Variants in RAPGEF4 observed in about 807,000 individuals in gnomAD.
The protein encoded by RAPGEF4 is Rap guanine nucleotide exchange factor 4.
A neutral mutation model predicts 147.9 loss-of-function variants in RAPGEF4; 66 were observed. That is an observed-to-expected ratio of 0.45 (90% CI 0.37 to 0.55). RAPGEF4 has a LOEUF of 0.55. Among genes scored for constraint, RAPGEF4 ranks in the 20% least tolerant of loss-of-function variants. The pLI is 0.00. For synonymous variants in RAPGEF4, 419 were observed against 442.7 expected (o/e 0.95, Z 0.67); for missense variants, 1,071 against 1,257.3 (o/e 0.85, Z 2.24).
intron 27 of RAPGEF4, among the ~76,000 whole-genome samples, chr2:173,035,772 T>A (rs1683917508): frequency 6.6e-6 from 1 of 152,190 alleles, no homozygotes; most frequent in Non-Finnish European, 1.5e-5. Context: ...TATTATTATG[T>A]ACTATATTCT....
chr2:172,790,313 C>A (rs1685673559), intron 1 of RAPGEF4, among the ~76,000 whole-genome samples: 1 of 152,052 alleles, frequency 6.6e-6, no homozygotes, highest in South Asian at 2.1e-4. Flanking sequence ...TTTTTAAATA[C>A]CAAGTTGTAG....
At chr2:172,838,730 T>C (rs1435393566) in intron 4 of RAPGEF4, among the ~76,000 whole-genome samples, 2 of 152,132 alleles carry the variant, frequency 1.3e-5, no homozygotes, top group African/African-American at 2.4e-5. Context: ...ATATTTTCTC[T>C]TCTCTAGGAA....
Position 172,797,717 on chromosome 2 carries a change from C to A in RAPGEF4, c.297+104C>A, listed in dbSNP as rs753314235. The stretch of plus-strand genomic sequence containing the variant: ...AATTACATTTTCAAGTCCATTTCCT[C>A]TTTCCCACAATAAGGAGTTCAGCAC... On this transcript the variant is annotated intron_variant, in intron 3 of 30. Transcript: ENST00000397081. The A allele has an allele frequency of 1.7e-5, 15 of 872,116 alleles. No individual in the cohort carries two copies. In the Admixed American group the frequency reaches 1.7e-4, roughly 10 times the overall value. 54.0% of individuals were successfully genotyped at this position (872,116 alleles called of 1,614,324 possible). A position where few individuals can be genotyped will look rare whatever the true frequency, so the allele number is the denominator to read the frequency against.
chr2:172,887,045 G>C (rs1405928926), intron 4 of RAPGEF4, among the ~76,000 whole-genome samples: 2 of 151,924 alleles, frequency 1.3e-5, no homozygotes, highest in Non-Finnish European at 2.9e-5. Context: ...AAATTAGCTG[G>C]GTGTGGTGAC....
chr2:172,988,956 A>C (rs1334923075), intron 14 of RAPGEF4, 117 bp downstream of exon 14: 1 of 1,139,672 alleles, frequency 8.8e-7, no homozygotes, highest in African/African-American at 1.6e-5. Context: ...TGCTCTAGGC[A>C]CAAAGGGCCT....
chr2:172,933,759 C>A (rs1344833091), intron 6 of RAPGEF4, among the ~76,000 whole-genome samples: 1 of 152,070 alleles, frequency 6.6e-6, no homozygotes, highest in East Asian at 1.9e-4. Flanking sequence ...TCAGGTTTCA[C>A]CTTTTAAATT....
chr2:172,872,923 C>T (rs557914368), intron 4 of RAPGEF4, among the ~76,000 whole-genome samples: 1 of 152,168 alleles, frequency 6.6e-6, no homozygotes, highest in African/African-American at 2.4e-5. Context: ...CAAATCCCCT[C>T]TCACTTCAGG....
intron 4 of RAPGEF4, among the ~76,000 whole-genome samples, chr2:172,847,955 A>G (rs1199602909): frequency 6.6e-6 from 1 of 151,766 alleles, no homozygotes; most frequent in Non-Finnish European, 1.5e-5. Context: ...GTCATATCAT[A>G]CTCTGTTGAC....
At chr2:172,828,762 CT>C (rs1219368169) in intron 4 of RAPGEF4, among the ~76,000 whole-genome samples, 1 of 152,208 alleles carries the variant, frequency 6.6e-6, no homozygotes. Flanking sequence ...AGTTCAAATG[CT>C]GTCTCCTCCC....
At chr2:172,887,359 T>G (rs1697358325) in intron 4 of RAPGEF4, among the ~76,000 whole-genome samples, 1 of 152,120 alleles carries the variant, frequency 6.6e-6, no homozygotes, top group Non-Finnish European at 1.5e-5. Flanking sequence ...CTCATTTACT[T>G]AAAAAAAATT....
chr2:172,947,639 G>T (rs992481676), intron 6 of RAPGEF4, among the ~76,000 whole-genome samples: 1 of 152,080 alleles, frequency 6.6e-6, no homozygotes, highest in Non-Finnish European at 1.5e-5. Context: ...TGTAGATCAG[G>T]ATTACATATG....
chr2:172,791,335 T>C (rs1446113098), intron 1 of RAPGEF4, among the ~76,000 whole-genome samples: 1 of 152,140 alleles, frequency 6.6e-6, no homozygotes, highest in African/African-American at 2.4e-5. Context: ...TAAGTTCAGT[T>C]TGAGGTCGCT....
At chr2:172,963,965 C>T (rs1689564500) in intron 8 of RAPGEF4, among the ~76,000 whole-genome samples, 1 of 152,182 alleles carries the variant, frequency 6.6e-6, no homozygotes, top group African/African-American at 2.4e-5. Flanking sequence ...ATTCTGACTG[C>T]AAGATTCTTA....
At chr2:173,027,021 AACCTGCTG>A (rs1275027020) in intron 24 of RAPGEF4, 52 bp from the exon 25 acceptor site, 1 of 1,427,878 alleles carries the variant, frequency 7.0e-7, no homozygotes, top group East Asian at 2.3e-5. Flanking sequence ...CAAATAGAGA[AACCTGCTG>A]GTGTTTTGAT....
rs1686308342 is a variant in RAPGEF4, at chr2:173,052,122, A to C, written c.*355A>C. The C allele has an allele frequency of 6.1e-6, 1 of 163,880 alleles. No individual in the cohort carries two copies. The highest frequency in any genetic ancestry group is 6.2e-5 in the Admixed American group (1 of 16,244). The allele number at this position is 163,880 out of a possible 1,614,324, so 10.2% of individuals were successfully genotyped here. A position where few individuals can be genotyped will look rare whatever the true frequency, so the allele number is the denominator to read the frequency against. On this transcript the variant is annotated 3_prime_UTR_variant, in exon 31 of 31. Coordinates refer to ENST00000397081, the MANE Select transcript of RAPGEF4 (RefSeq NM_007023.4). The stretch of plus-strand genomic sequence containing the variant: ...CAAGCCCCTGACATTTTTTTCTAAG[A>C]GTGTTTATGGGATGAGATGTGCTAC...
intron 1 of RAPGEF4, chr2:172,736,260 G>C (rs1309557990): frequency 2.3e-5 from 8 of 351,016 alleles, no homozygotes; most frequent in Non-Finnish European, 3.5e-5. Flanking sequence ...ATTATTACAC[G>C]TGGTGGAGAA....
intron 4 of RAPGEF4, among the ~76,000 whole-genome samples, chr2:172,908,964 A>G (rs1699861170): frequency 6.6e-6 from 1 of 152,142 alleles, no homozygotes; most frequent in African/African-American, 2.4e-5. Context: ...TGAAGAATTG[A>G]TTTCCTAACT....
Position 172,871,093 on chromosome 2 carries a change from G to A in RAPGEF4, c.445-46709G>A, listed in dbSNP as rs1010688185. The stretch of plus-strand genomic sequence containing the variant: ...ATTCAGTGACCTATATTTTCTAGGG[G>A]AAAAAAAGAGGCAGTTTCTTCTCCT... On this transcript the variant is annotated intron_variant, in intron 4 of 30. Coordinates refer to ENST00000397081, the MANE Select transcript of RAPGEF4 (RefSeq NM_007023.4). Among the ~76,000 whole-genome samples the A allele has an allele frequency of 2.0e-4, 31 of 152,098 alleles. 1 individual carries two copies. The highest frequency in any genetic ancestry group is 2.1e-4 in the Non-Finnish European group (14 of 67,976).
intron 1 of RAPGEF4, among the ~76,000 whole-genome samples, chr2:172,761,117 A>ATTTTT (rs1696281725): frequency 9.1e-6 from 1 of 110,466 alleles, no homozygotes; most frequent in Non-Finnish European, 2.1e-5. Flanking sequence ...TTTTTTTTTT[A>ATTTTT]ATTTTTTTTT....
Sources: allele counts gnomAD v4.1 joint callset (sites outside exome capture counted in the v4.1 genomes callset), GRCh38; gene constraint gnomAD v4.1.1; transcripts MANE v1.5; gene names NCBI Gene and HGNC (gene_info 2026-07-23, HGNC 2026-07-21).